Variants in BPIFB3 observed in about 807,000 individuals in gnomAD.
The protein encoded by BPIFB3 is BPI fold containing family B member 3.
In BPIFB3, 49 loss-of-function variants were observed where a neutral mutation model predicts 53.1. That is an observed-to-expected ratio of 0.92 (90% CI 0.73 to 1.17). The LOEUF is 1.17. Among genes scored for constraint, BPIFB3 ranks in the 50% most tolerant of loss-of-function variants. The pLI, the probability that BPIFB3 is intolerant of heterozygous loss-of-function variation, is 0.00. For synonymous variants in BPIFB3, 271 were observed against 269.6 expected (o/e 1.01, Z -0.05); for missense variants, 628 against 592.5 (o/e 1.06, Z -0.62).
Position 33,064,653 on chromosome 20 carries a change from C to T in BPIFB3, c.745-13C>T. 1.2e-6 allele frequency: 2 copies of T among 1,613,370 alleles called. No homozygotes were observed. Among genetic ancestry groups the T allele is most frequent in the South Asian group, 1.1e-5 (1 of 90,972 alleles). ...CTTAAGACCCTCCTCGGCCCTGTTT[C>T]CTGCCCCTGCAGCCTATCGTGAAGA... is the stretch of plus-strand genomic sequence containing the variant. On this transcript the variant is annotated splice_polypyrimidine_tract_variant and intron_variant, in intron 7 of 14. Coordinates refer to ENST00000375494, the Ensembl canonical transcript of BPIFB3.
chr20:33,067,901 G>C (rs1980731694), intron 9 of BPIFB3, among the ~76,000 whole-genome samples: 1 of 152,238 alleles, frequency 6.6e-6, no homozygotes, highest in Non-Finnish European at 1.5e-5. Context: ...GCCCCTTAGG[G>C]ATTCTGGGCT....
intron 1 of BPIFB3, 80 bp from the exon 3 acceptor site, chr20:33,056,462 C>T (rs1980208422): frequency 4.6e-6 from 7 of 1,528,772 alleles, no homozygotes; most frequent in Middle Eastern, 4.6e-4. Context: ...TACTCAATCT[C>T]AGAGGAAGGA....
At chr20:33,072,134 G>T (rs1980928151) in exon 13 of BPIFB3, 2 of 1,614,114 alleles carry the variant, frequency 1.2e-6, no homozygotes, top group Admixed American at 3.3e-5. Flanking sequence ...GCTCAGCCAT[G>T]TGGTCGGGGC....
intron 13 of BPIFB3, 137 bp from the exon 15 acceptor site, chr20:33,072,580 T>A: frequency 2.7e-6 from 2 of 735,826 alleles, no homozygotes; most frequent in Non-Finnish European, 2.3e-6. Context: ...AGTTTGCCAA[T>A]AAGAAGCTGA....
At chr20:33,064,341 G>A in intron 6 of BPIFB3, 116 bp from the exon 8 acceptor site, 5 of 830,200 alleles carry the variant, frequency 6.0e-6, no homozygotes, top group South Asian at 1.6e-5. Flanking sequence ...TAGCAGCCAA[G>A]TGAATGCTTA....
upstream of BPIFB3, chr20:33,055,367 G>A (rs1436452308): frequency 1.3e-6 from 2 of 1,597,392 alleles, no homozygotes; most frequent in Admixed American, 1.7e-5. Flanking sequence ...GAACAGAGAG[G>A]GGAAAGGCTT....
intron 14 of BPIFB3, among the ~76,000 whole-genome samples, chr20:33,073,054 G>GGAACC (rs1980972957): frequency 6.6e-6 from 1 of 152,194 alleles, no homozygotes; most frequent in Non-Finnish European, 1.5e-5. Context: ...TCAGAGACAT[G>GGAACC]TCTGGCCTCT....
intron 6 of BPIFB3, 114 bp downstream of exon 7, chr20:33,063,789 T>C (rs1980550795): frequency 9.3e-7 from 1 of 1,075,958 alleles, no homozygotes; most frequent in Non-Finnish European, 1.3e-6. Flanking sequence ...GGTCCTTTAG[T>C]TCCTCCTCAC....
At chr20:33,057,406 C>A (rs893376415) in intron 2 of BPIFB3, among the ~76,000 whole-genome samples, 7 of 135,838 alleles carry the variant, frequency 5.2e-5, no homozygotes, top group African/African-American at 2.0e-4. Flanking sequence ...TCAGGGTGGT[C>A]TTGAACTCCT....
At chr20:33,063,748 C>T (rs1258699412) in intron 6 of BPIFB3, 73 bp downstream of exon 7, 10 of 1,466,078 alleles carry the variant, frequency 6.8e-6, no homozygotes, top group African/African-American at 1.4e-5. Context: ...GGGTAGGGTA[C>T]GAAGGGGAGC....
intron 5 of BPIFB3, 123 bp from the exon 7 acceptor site, chr20:33,063,492 G>A: frequency 3.9e-6 from 4 of 1,024,254 alleles, no homozygotes; most frequent in Non-Finnish European, 6.0e-6. Flanking sequence ...GTCTGTCTCT[G>A]CCTTCCGCCT....
intron 9 of BPIFB3, among the ~76,000 whole-genome samples, chr20:33,067,342 G>T (rs937382323): frequency 2.6e-5 from 4 of 152,210 alleles, no homozygotes; most frequent in African/African-American, 4.8e-5. Context: ...TTCAACTGGG[G>T]CTGGACCAGC....
At chr20:33,067,786 C>G (rs1035933150) in intron 9 of BPIFB3, among the ~76,000 whole-genome samples, 5 of 152,210 alleles carry the variant, frequency 3.3e-5, no homozygotes, top group African/African-American at 1.2e-4. Flanking sequence ...GAGGCTGAAT[C>G]CTTTGGTCTC....
chr20:33,069,825 C>A, intron 10 of BPIFB3, 63 bp from the exon 12 acceptor site: 1 of 1,541,286 alleles, frequency 6.5e-7, no homozygotes, highest in Non-Finnish European at 9.0e-7. Context: ...TGGATGGAGG[C>A]AGACCCGTCC....
intron 4 of BPIFB3, among the ~76,000 whole-genome samples, 160 bp from the exon 6 acceptor site, chr20:33,061,608 A>G (rs369223029): frequency 6.6e-5 from 10 of 152,140 alleles, no homozygotes; most frequent in African/African-American, 2.4e-4. Flanking sequence ...CCTCGGGAGG[A>G]GGAGCCAGGA....
intron 4 of BPIFB3, 74 bp downstream of exon 5, chr20:33,060,105 GT>G: frequency 6.4e-7 from 1 of 1,560,892 alleles, no homozygotes; most frequent in African/African-American, 1.3e-5. Context: ...CATCTCCCAG[GT>G]CTCCCTGGAG....
At chr20:33,063,535 T>C (rs1002929996) in intron 5 of BPIFB3, 80 bp from the exon 7 acceptor site, 1 of 1,500,870 alleles carries the variant, frequency 6.7e-7, no homozygotes, top group Middle Eastern at 1.7e-4. Flanking sequence ...TAGCAGCAGA[T>C]AGCAAAGCAT....
chr20:33,061,724 C>A (rs758582530), intron 4 of BPIFB3, 44 bp from the exon 6 acceptor site: 19 of 1,591,694 alleles, frequency 1.2e-5, no homozygotes, highest in Non-Finnish European at 1.5e-5. Flanking sequence ...TGGGTTGAAC[C>A]GTCCACCTGG....
intron 13 of BPIFB3, 48 bp from the exon 15 acceptor site, chr20:33,072,669 G>A (rs773109556): frequency 1.3e-6 from 2 of 1,532,170 alleles, no homozygotes; most frequent in Non-Finnish European, 1.8e-6. Context: ...TAGGGTCCAA[G>A]AGCTCCCCAC....
Sources: gnomAD v4.1 joint callset for allele counts (sites outside exome capture counted in the v4.1 genomes callset) on GRCh38, gnomAD v4.1.1 for gene constraint, MANE v1.5 for transcripts, NCBI Gene and HGNC (gene_info 2026-07-23, HGNC 2026-07-21) for gene names.